Variants in PDE10A observed in about 807,000 individuals in gnomAD.
PDE10A encodes the protein phosphodiesterase 10A.
PDE10A carries 39 observed loss-of-function variants against 97.7 expected under a neutral mutation model. That is an observed-to-expected ratio of 0.40 (90% CI 0.31 to 0.52). The LOEUF is 0.52. PDE10A is among the 20% of genes least tolerant of loss of function. The pLI, the probability that PDE10A is intolerant of heterozygous loss-of-function variation, is 0.56. For missense variants in PDE10A, 731 were observed against 1,047.8 expected (o/e 0.70, Z 4.17); for synonymous variants, 371 against 376.8 (o/e 0.98, Z 0.18).
At chr6:165,701,777 GTGTGTGTGTGTGCA>G (rs1395705570) in intron 1 of PDE10A, among the ~76,000 whole-genome samples, 3 of 150,356 alleles carry the variant, frequency 2.0e-5, no homozygotes, top group African/African-American at 7.3e-5. Context: ...GTATGTTTGC[GTGTGTGTGTGTGCA>G]TGTGTGTGTG....
rs987143016 is a variant in PDE10A at position 165,704,516 on chromosome 6, A to G, written c.-614-160948T>C. ...CAAGAAGAGTTTACACAAAGTTCACACACATGATCCCATCTGTCACCACTG... is the reference window on the plus strand; with the variant it reads ...CAAGAAGAGTTTACACAAAGTTCACGCACATGATCCCATCTGTCACCACTG... On this transcript the variant is annotated intron_variant, in intron 1 of 19. Coordinates refer to the PDE10A transcript ENST00000366882. 4.6e-5 allele frequency among the ~76,000 whole-genome samples: 7 copies of G among 152,318 alleles called. 1 individual carries two copies. In the East Asian group the frequency reaches 1.4e-3, roughly 29 times the overall value.
chr6:165,546,775 G>A (rs1783763707), intron 1 of PDE10A, among the ~76,000 whole-genome samples: 1 of 152,106 alleles, frequency 6.6e-6, no homozygotes, highest in African/African-American at 2.4e-5. Context: ...AATGATCCAT[G>A]TGGTAATGAA....
At chr6:165,853,381 T>C (rs1055505287) in intron 1 of PDE10A, among the ~76,000 whole-genome samples, 2 of 152,238 alleles carry the variant, frequency 1.3e-5, no homozygotes, top group Non-Finnish European at 2.9e-5. Context: ...TAGGAATTAA[T>C]AGATCATCAA....
chr6:165,503,591 C>T (rs372551279), intron 2 of PDE10A, among the ~76,000 whole-genome samples: 7 of 152,138 alleles, frequency 4.6e-5, no homozygotes, highest in African/African-American at 1.7e-4. Flanking sequence ...CATTGAAAAG[C>T]CAAAGGCTCC....
rs1780581009 is a variant in PDE10A at position 165,331,730 on chromosome 6, T to C, written c.*1295A>G. The C allele has an allele frequency of 6.6e-6, 1 of 151,138 alleles. No homozygotes were observed. Among genetic ancestry groups the C allele is most frequent in the Non-Finnish European group, 1.5e-5 (1 of 67,532 alleles). The allele number at this position is 151,138 out of a possible 1,614,324, so 9.4% of individuals were successfully genotyped here. On this transcript the variant is annotated 3_prime_UTR_variant, in exon 22 of 22. Coordinates refer to ENST00000539869, the MANE Select transcript of PDE10A (RefSeq NM_001385079.1). The stretch of plus-strand genomic sequence containing the variant: ...CATCTTTGTAGGAAGGGGTGCAGAG[T>C]ATTACTTTCGTATTTTTTAAAACAC...
intron 2 of PDE10A, among the ~76,000 whole-genome samples, chr6:165,504,617 A>G (rs906011261): frequency 1.3e-5 from 2 of 152,064 alleles, no homozygotes; most frequent in Non-Finnish European, 2.9e-5. Context: ...TTTGCAGCTG[A>G]TTTTTCAAAT....
At chr6:165,849,019 G>A (rs954489648) in intron 1 of PDE10A, among the ~76,000 whole-genome samples, 5 of 152,146 alleles carry the variant, frequency 3.3e-5, no homozygotes, top group African/African-American at 1.2e-4. Context: ...AATAGGAGAG[G>A]AATACAAATA....
intron 2 of PDE10A, among the ~76,000 whole-genome samples, chr6:165,484,628 A>G (rs751182068): frequency 1.3e-5 from 2 of 152,120 alleles, no homozygotes; most frequent in African/African-American, 2.4e-5. Flanking sequence ...CAGCACAGAG[A>G]CCACAGGAAA....
intron 1 of PDE10A, among the ~76,000 whole-genome samples, chr6:165,762,781 TTC>T (rs1215573539): frequency 6.6e-6 from 1 of 152,214 alleles, no homozygotes; most frequent in African/African-American, 2.4e-5. Flanking sequence ...ATATTTGGCT[TTC>T]TCTAGCCCAT....
intron 1 of PDE10A, among the ~76,000 whole-genome samples, chr6:165,915,620 T>C (rs1222374656): frequency 6.6e-6 from 1 of 152,178 alleles, no homozygotes; most frequent in Admixed American, 6.5e-5. Flanking sequence ...AGTGATGAGA[T>C]GAGCCGGTAA....
chr6:165,488,153 T>G (rs370162496), intron 2 of PDE10A, among the ~76,000 whole-genome samples: 1 of 152,228 alleles, frequency 6.6e-6, no homozygotes, highest in East Asian at 1.9e-4. Context: ...TGCCAGGAAC[T>G]TATCTCTGAC....
chr6:165,579,271 C>T (rs1785483236), intron 1 of PDE10A, among the ~76,000 whole-genome samples: 1 of 152,182 alleles, frequency 6.6e-6, no homozygotes, highest in Admixed American at 6.5e-5. Flanking sequence ...TTTTAGAATG[C>T]TCTTTACTCC....
At chr6:165,804,831 C>A (rs1779076682) in intron 1 of PDE10A, among the ~76,000 whole-genome samples, 2 of 151,498 alleles carry the variant, frequency 1.3e-5, no homozygotes, top group Non-Finnish European at 2.9e-5. Flanking sequence ...GCGTGGGCGG[C>A]GACAGCTGCA....
At chr6:165,790,332 C>T (rs1228439045) in intron 1 of PDE10A, among the ~76,000 whole-genome samples, 1 of 152,148 alleles carries the variant, frequency 6.6e-6, no homozygotes, top group African/African-American at 2.4e-5. Flanking sequence ...AAAGGAAATA[C>T]ATATCAGAAA....
At chr6:165,932,275 C>T (rs959558378) in intron 1 of PDE10A, among the ~76,000 whole-genome samples, 3 of 152,098 alleles carry the variant, frequency 2.0e-5, no homozygotes, top group Non-Finnish European at 2.9e-5. Flanking sequence ...TTTTTATCTG[C>T]GTTCTTAAAA....
At chr6:165,927,083 G>C (rs1782959354) in intron 1 of PDE10A, among the ~76,000 whole-genome samples, 1 of 151,224 alleles carries the variant, frequency 6.6e-6, no homozygotes, top group Non-Finnish European at 1.5e-5. Flanking sequence ...GTTGGGGGGT[G>C]GGGGGCTAGG....
At chr6:165,587,846 C>G (rs1265444375) in intron 1 of PDE10A, among the ~76,000 whole-genome samples, 1 of 152,174 alleles carries the variant, frequency 6.6e-6, no homozygotes, top group African/African-American at 2.4e-5. Flanking sequence ...AGGTTAAACA[C>G]CTCATAAAGG....
At chr6:165,757,904 T>C (rs1793154678) in intron 1 of PDE10A, among the ~76,000 whole-genome samples, 3 of 152,192 alleles carry the variant, frequency 2.0e-5, no homozygotes, top group Admixed American at 2.0e-4. Flanking sequence ...TCTGAAAATA[T>C]GATATTGTGT....
At chr6:165,584,666 A>G (rs1031283710) in intron 1 of PDE10A, among the ~76,000 whole-genome samples, 1 of 152,196 alleles carries the variant, frequency 6.6e-6, no homozygotes, top group African/African-American at 2.4e-5. Flanking sequence ...TTTCGGCTAC[A>G]AAAAGAAGGT....
Sources: gnomAD v4.1 joint callset for allele counts (sites outside exome capture counted in the v4.1 genomes callset) on GRCh38, gnomAD v4.1.1 for gene constraint, MANE v1.5 for transcripts, NCBI Gene and HGNC (gene_info 2026-07-23, HGNC 2026-07-21) for gene names.